Variants in TXNDC11 observed in about 807,000 individuals in gnomAD.
TXNDC11 encodes the protein thioredoxin domain-containing protein 11.
TXNDC11 carries 68 observed loss-of-function variants against 78.0 expected under a neutral mutation model. The ratio of observed to expected loss-of-function variants is 0.87; its 90% confidence interval spans 0.72 to 1.07. The LOEUF is 1.07. TXNDC11 is among the 50% of genes least tolerant of loss of function. The pLI is 0.00. For synonymous variants in TXNDC11, 571 were observed against 495.2 expected, an observed-to-expected ratio of 1.15 and a Z score of -2.03; for missense variants, 1,389 against 1,221.8, an observed-to-expected ratio of 1.14 and a Z score of -2.04.
chr16:11,735,891 T>C (rs1049543480), intron 2 of TXNDC11, 126 bp downstream of exon 2: 3 of 819,802 alleles, frequency 3.7e-6, no homozygotes, highest in South Asian at 1.6e-5. Flanking sequence ...CTCTGTAACT[T>C]AGAAACGACT....
At chr16:11,722,108 C>T (rs7205994) in intron 4 of TXNDC11, among the ~76,000 whole-genome samples, 71,821 of 152,006 alleles carry the variant, frequency 0.47, 17,266 homozygotes, top group Middle Eastern at 0.57. Context: ...TTGAATCTCT[C>T]TCTCTCATTG....
At chr16:11,739,166 TA>T (rs990142224) in intron 1 of TXNDC11, among the ~76,000 whole-genome samples, 3 of 152,104 alleles carry the variant, frequency 2.0e-5, no homozygotes, top group Non-Finnish European at 2.9e-5. Context: ...ATGAGCCAGA[TA>T]AAGTACAAGG....
chr16:11,705,294 A>T (rs914941122), intron 5 of TXNDC11, among the ~76,000 whole-genome samples: 4 of 152,222 alleles, frequency 2.6e-5, no homozygotes, highest in Non-Finnish European at 5.9e-5. Flanking sequence ...GCAATTATGG[A>T]ACTCTCTGTT....
intron 5 of TXNDC11, among the ~76,000 whole-genome samples, chr16:11,720,930 C>G (rs1028820482): frequency 1.7e-4 from 25 of 151,458 alleles, no homozygotes; most frequent in African/African-American, 6.1e-4. Context: ...CTTGTAGAGA[C>G]GGAGTTTTGC....
chr16:11,697,385 G>A (rs922117808), intron 7 of TXNDC11, among the ~76,000 whole-genome samples: 1 of 152,142 alleles, frequency 6.6e-6, no homozygotes, highest in Non-Finnish European at 1.5e-5. Flanking sequence ...TTGAGGGAGT[G>A]AAAAAATAAA....
chr16:11,680,226 G>A (rs979892340), intron 11 of TXNDC11, among the ~76,000 whole-genome samples: 3 of 151,600 alleles, frequency 2.0e-5, no homozygotes, highest in African/African-American at 7.3e-5. Flanking sequence ...GGGGAGGCAG[G>A]AGTGTCCCAC....
chr16:11,679,956 TTTAC>T lies in TXNDC11; in HGVS notation c.2235-123_2235-120del, dbSNP rs1295417617. 7.8e-6 allele frequency: 7 copies of T among 900,332 alleles called. No individual in the cohort carries two copies. The highest frequency in any genetic ancestry group is 1.2e-5 in the Non-Finnish European group (7 of 594,164). 55.8% of individuals were successfully genotyped at this position (900,332 alleles called of 1,614,324 possible). A position where few individuals can be genotyped will look rare whatever the true frequency, so the allele number is the denominator to read the frequency against. On this transcript the variant is annotated intron_variant, in intron 11 of 11. Transcript: ENST00000283033. The surrounding 1 kb of genome is among the most constrained non-coding windows in gnomAD (Gnocchi z 4.6). Reference sequence around the variant, plus strand: ...CACCAAGAAAAGACGTTCCGTGGATTTTACTTACTGAAAGTAAGGAAAATGTTGC... The same window carrying T: ...CACCAAGAAAAGACGTTCCGTGGATTTTACTGAAAGTAAGGAAAATGTTGC...
At chr16:11,736,330 T>G (rs1238903153) in intron 1 of TXNDC11, 97 bp from the exon 2 acceptor site, 1 of 1,032,084 alleles carries the variant, frequency 9.7e-7, no homozygotes, top group African/African-American at 1.6e-5. Flanking sequence ...AAATCCTCTT[T>G]TGAATAAGAA....
At position 11,728,045 on chromosome 16, in the gene TXNDC11, C is replaced by T. The variant is rs59823966; in HGVS notation, c.699+2600G>A. Among the ~76,000 whole-genome samples, 248 of 152,290 alleles carry T rather than the reference C, an allele frequency of 1.6e-3. 1 individual carries two copies. The highest frequency in any genetic ancestry group is 5.5e-3 in the African/African-American group (230 of 41,562). ...AAACACAGAATTATCTGACCTCCAA[C>T]GTCAACTGCGCCAAGGTTGAGAAAC... On this transcript the variant is annotated intron_variant, in intron 4 of 11. Transcript: ENST00000283033.
At chr16:11,706,552 T>C (rs1199173554) in intron 5 of TXNDC11, among the ~76,000 whole-genome samples, 1 of 152,266 alleles carries the variant, frequency 6.6e-6, no homozygotes, top group Non-Finnish European at 1.5e-5. Context: ...CATGAAATCT[T>C]GCCTACTTTT....
intron 5 of TXNDC11, among the ~76,000 whole-genome samples, chr16:11,709,083 ATTAC>A (rs2051262757): frequency 6.6e-6 from 1 of 152,140 alleles, no homozygotes; most frequent in Admixed American, 6.5e-5. Flanking sequence ...ATAAACTATC[ATTAC>A]TTGCATTTTC....
At chr16:11,718,740 C>G (rs1028552898) in intron 5 of TXNDC11, among the ~76,000 whole-genome samples, 1 of 152,114 alleles carries the variant, frequency 6.6e-6, no homozygotes, top group Non-Finnish European at 1.5e-5. Flanking sequence ...TAATTAATCT[C>G]AGCTCCTGCA....
chr16:11,704,089 T>C (rs923885301), intron 5 of TXNDC11, among the ~76,000 whole-genome samples: 5 of 152,070 alleles, frequency 3.3e-5, no homozygotes, highest in East Asian at 1.9e-4. Flanking sequence ...TGAAACTCCG[T>C]CTCAAAAAAA....
intron 7 of TXNDC11, 108 bp from the exon 8 acceptor site, chr16:11,692,190 G>A (rs774943542): frequency 1.4e-5 from 12 of 842,332 alleles, no homozygotes; most frequent in Admixed American, 3.2e-5. Flanking sequence ...GGTCAACTCC[G>A]GTTCAAAAAT....
intron 2 of TXNDC11, among the ~76,000 whole-genome samples, chr16:11,734,319 A>G (rs2052157333): frequency 6.6e-6 from 1 of 152,222 alleles, no homozygotes; most frequent in South Asian, 2.1e-4. Flanking sequence ...ACCATGCAAT[A>G]CAGTTCAAAA....
intron 8 of TXNDC11, chr16:11,690,162 A>G (rs2050670461): frequency 6.6e-6 from 1 of 152,318 alleles, no homozygotes; most frequent in East Asian, 1.9e-4. Flanking sequence ...TCCATTCGGC[A>G]TACACTGACC....
intron 11 of TXNDC11, among the ~76,000 whole-genome samples, chr16:11,683,838 G>A (rs2050496857): frequency 7.0e-6 from 1 of 143,240 alleles, no homozygotes; most frequent in African/African-American, 2.6e-5. Context: ...TGCAACCTCC[G>A]CATCCCAGGT....
In TXNDC11 at chr16:11,679,842, A is replaced by G; in HGVS notation, c.2235-5T>C. The G allele has an allele frequency of 6.2e-7, 1 of 1,601,902 alleles. No homozygotes were observed. The highest frequency in any genetic ancestry group is 8.5e-7 in the Non-Finnish European group (1 of 1,171,314). ...TATTTCACACTTAGGTCCTTTCTGGAGAGAGAGGGAAAGGAAGCAAAGACA... is the reference window on the plus strand; with the variant it reads ...TATTTCACACTTAGGTCCTTTCTGGGGAGAGAGGGAAAGGAAGCAAAGACA... On this transcript the variant is annotated splice_region_variant and splice_polypyrimidine_tract_variant and intron_variant, in intron 11 of 11. Transcript: ENST00000283033. This position sits in a 1 kb window ranked among gnomAD's most constrained non-coding sequence, Gnocchi z 4.6.
At chr16:11,692,287 C>T in intron 7 of TXNDC11, 1 of 504,730 alleles carries the variant, frequency 2.0e-6, no homozygotes, top group Non-Finnish European at 3.5e-6. Flanking sequence ...TTTGCCATTA[C>T]AAAAACTGCG....
Sources: allele counts gnomAD v4.1 joint callset (sites outside exome capture counted in the v4.1 genomes callset), GRCh38; gene constraint gnomAD v4.1.1; non-coding constraint Gnocchi (gnomAD v3.1); transcripts MANE v1.5; gene names NCBI Gene and HGNC (gene_info 2026-07-23, HGNC 2026-07-21).